CBFA2T3: variants seen among roughly 807,000 people sequenced by gnomAD.
CBFA2T3 encodes CBFA2/RUNX1 partner transcriptional co-repressor 3, also known as transcriptional corepressor CBFA2T3.
Under a neutral mutation model 58.6 loss-of-function variants are expected in CBFA2T3, and 31 were observed. The observed-to-expected ratio is 0.53, with a 90% CI of 0.40 to 0.71. CBFA2T3 has a LOEUF of 0.71. CBFA2T3 is among the 30% of genes least tolerant of loss of function. The probability of loss-of-function intolerance (pLI) is 0.00; values close to 1 mark genes in which losing one functional copy is unlikely to be tolerated. For missense variants in CBFA2T3, 1,076 were observed against 963.1 expected (o/e 1.12, Z -1.55); for synonymous variants, 531 against 421.9 (o/e 1.26, Z -3.17).
At chr16:88,966,660 A>G (rs959055712) in intron 1 of CBFA2T3, among the ~76,000 whole-genome samples, 2 of 151,910 alleles carry the variant, frequency 1.3e-5, no homozygotes, top group South Asian at 2.1e-4. Context: ...GGAGCAATGG[A>G]CACTCTTGAC....
In CBFA2T3 at chr16:88,879,186, G is replaced by A. The variant is rs1003089449; in HGVS notation, c.1662+84C>T. The stretch of plus-strand genomic sequence containing the variant: ...GACAACTGTGCTGATGCCACGTGGA[G>A]GCTCAGAATCCTCATGGGGGTGGCG... On this transcript the variant is annotated intron_variant, in intron 11 of 11. Coordinates refer to ENST00000268679, the MANE Select transcript of CBFA2T3 (RefSeq NM_005187.6). 4.8e-5 allele frequency: 59 copies of A among 1,234,314 alleles called. 1 individual carries two copies. The Admixed American group carries it at 1.1e-3, about 24-fold the overall frequency. The allele number at this position is 1,234,314 out of a possible 1,614,324, so 76.5% of individuals were successfully genotyped here.
intron 1 of CBFA2T3, among the ~76,000 whole-genome samples, chr16:88,915,064 C>G (rs1191203015): frequency 1.3e-5 from 2 of 151,596 alleles, no homozygotes; most frequent in East Asian, 4.0e-4. Context: ...CCCTGGCACC[C>G]TGGGAGTCCT....
rs1231792308 is a variant in CBFA2T3 at position 88,876,353 on chromosome 16, T to C, written c.*623A>G. On this transcript the variant is annotated 3_prime_UTR_variant, in exon 12 of 12. Coordinates refer to ENST00000268679, the MANE Select transcript of CBFA2T3 (RefSeq NM_005187.6). ...AGAAATCGAAATCTTTCCTCCCGTC[T>C]TCGCTGATCAGCCTCACGCCCCTGG... The C allele has an allele frequency of 4.4e-6, 1 of 228,834 alleles. No individual in the cohort carries two copies. The highest frequency in any genetic ancestry group is 6.2e-5 in the East Asian group (1 of 16,110). The allele number at this position is 228,834 out of a possible 1,614,324, so 14.2% of individuals were successfully genotyped here. A position where few individuals can be genotyped will look rare whatever the true frequency, so the allele number is the denominator to read the frequency against.
chr16:88,932,076 C>G (rs1971326831), intron 1 of CBFA2T3, among the ~76,000 whole-genome samples: 1 of 152,152 alleles, frequency 6.6e-6, no homozygotes, highest in Admixed American at 6.5e-5. Context: ...CACACATGCA[C>G]CTGCACGTGC....
chr16:88,886,182 G>A, intron 5 of CBFA2T3, 40 bp from the exon 6 acceptor site: 3 of 1,439,132 alleles, frequency 2.1e-6, no homozygotes, highest in Non-Finnish European at 2.8e-6. Context: ...GCATGCAGGG[G>A]TGCACAGCCC....
At position 88,901,653 on chromosome 16, in the gene CBFA2T3, G is replaced by T; in HGVS notation, c.155C>A (p.Pro52Gln). The change falls in exon 2 of 12, where the codon CCA becomes CAA. Residue 52 changes from proline (P) to glutamine (Q), a missense_variant. Transcript: ENST00000268679. ...PRGPRKGGPA[P>Q]VDRKAKASAM... ...TGAGGCCTTAGCTTTCCTGTCCACTGGGGCTGCGACCAACGGAGAAAGAAA... is the reference window on the plus strand; with the variant it reads ...TGAGGCCTTAGCTTTCCTGTCCACTTGGGCTGCGACCAACGGAGAAAGAAA... 1 of 1,528,392 alleles carries T rather than the reference G, an allele frequency of 6.5e-7. No individual in the cohort carries two copies. The allele number at this position is 1,528,392 out of a possible 1,614,324, so 94.7% of individuals were successfully genotyped here.
chr16:88,970,876 G>T (rs1008176643), intron 1 of CBFA2T3, among the ~76,000 whole-genome samples: 2 of 152,216 alleles, frequency 1.3e-5, no homozygotes, highest in East Asian at 3.9e-4. Flanking sequence ...TAAGGGGGCA[G>T]CTGGTTTTTC....
intron 1 of CBFA2T3, among the ~76,000 whole-genome samples, chr16:88,909,856 C>G (rs570079000): frequency 6.6e-6 from 1 of 152,250 alleles, no homozygotes; most frequent in South Asian, 2.1e-4. Context: ...CCTCTGAACT[C>G]CAGCCTCTAC....
At chr16:88,926,609 T>A (rs1328633362) in intron 1 of CBFA2T3, among the ~76,000 whole-genome samples, 1 of 152,146 alleles carries the variant, frequency 6.6e-6, no homozygotes, top group Non-Finnish European at 1.5e-5. Context: ...ACAGCGTGGG[T>A]GAGCGCTGCC....
At chr16:88,920,739 C>G (rs1320643093) in intron 1 of CBFA2T3, among the ~76,000 whole-genome samples, 1 of 152,238 alleles carries the variant, frequency 6.6e-6, no homozygotes, top group African/African-American at 2.4e-5. Flanking sequence ...CCACACCTGC[C>G]TGCTCCTGGA....
At chr16:88,881,133 A>T in intron 9 of CBFA2T3, 158 bp downstream of exon 9, 1 of 773,410 alleles carries the variant, frequency 1.3e-6, no homozygotes, top group Non-Finnish European at 2.2e-6. Context: ...TTCCTGGCAG[A>T]CCAGCCCGTG....
At chr16:88,925,776 C>T (rs2244879) in intron 1 of CBFA2T3, among the ~76,000 whole-genome samples, 14,893 of 152,240 alleles carry the variant, frequency 0.098, 1,711 homozygotes, top group African/African-American at 0.28. Context: ...TTCCCGGGGG[C>T]TCAGAGCTGC....
At chr16:88,917,024 A>G (rs1454398207) in intron 1 of CBFA2T3, among the ~76,000 whole-genome samples, 3 of 151,100 alleles carry the variant, frequency 2.0e-5, no homozygotes, top group African/African-American at 7.3e-5. Flanking sequence ...TAGTGGGCTG[A>G]GATCCCACCA....
intron 1 of CBFA2T3, among the ~76,000 whole-genome samples, chr16:88,941,356 C>T (rs1320787636): frequency 6.8e-6 from 1 of 146,340 alleles, no homozygotes; most frequent in Non-Finnish European, 1.5e-5. Context: ...CTCACGGGGC[C>T]CCGCGGCCCC....
chr16:88,933,987 C>T (rs1389298326), intron 1 of CBFA2T3, among the ~76,000 whole-genome samples: 5 of 152,200 alleles, frequency 3.3e-5, no homozygotes, highest in East Asian at 3.9e-4. Context: ...CAGTGCATGT[C>T]GAAAATAATG....
Position 88,958,387 on chromosome 16 carries a change from A to G in CBFA2T3, c.151+18270T>C, listed in dbSNP as rs1972283720. Among the ~76,000 whole-genome samples, 1 of 151,074 alleles carries G rather than the reference A, an allele frequency of 6.6e-6. No individual in the cohort carries two copies. The highest frequency in any genetic ancestry group is 2.4e-5 in the African/African-American group (1 of 40,914). ...CCTCGAATGGGGAACTCCTCCAGGA[A>G]GGAAAGGAGAAGTTTTATTTGGGGT... is the stretch of plus-strand genomic sequence containing the variant. On this transcript the variant is annotated intron_variant, in intron 1 of 11. Coordinates refer to ENST00000268679, the MANE Select transcript of CBFA2T3 (RefSeq NM_005187.6). This position sits in a 1 kb window ranked among gnomAD's most constrained non-coding sequence, Gnocchi z 4.0.
Position 88,958,688 on chromosome 16 carries a change from C to T in CBFA2T3, c.151+17969G>A, listed in dbSNP as rs558041418. On this transcript the variant is annotated intron_variant, in intron 1 of 11. Transcript: ENST00000268679. The surrounding 1 kb of genome is among the most constrained non-coding windows in gnomAD (Gnocchi z 4.0). ...GGAGACAAACTCGCTCCCCCAGGGC[C>T]GGGGGCTGGGGGCCTCGGTGTGGCC... Among the ~76,000 whole-genome samples the T allele has an allele frequency of 4.4e-4, 67 of 152,076 alleles. No individual in the cohort carries two copies. Among genetic ancestry groups the T allele is most frequent in the African/African-American group, 1.4e-3 (60 of 41,496 alleles).
intron 3 of CBFA2T3, among the ~76,000 whole-genome samples, chr16:88,894,109 C>G (rs1249473782): frequency 1.3e-5 from 2 of 152,168 alleles, no homozygotes; most frequent in Non-Finnish European, 2.9e-5. Context: ...AGAGCGAGCC[C>G]TCCATTTCCC....
intron 5 of CBFA2T3, among the ~76,000 whole-genome samples, chr16:88,888,757 C>T (rs1159093070): frequency 6.6e-6 from 1 of 151,734 alleles, no homozygotes. Flanking sequence ...CTAGAAGCGC[C>T]ATGTCAGAGA....
Sources: allele counts gnomAD v4.1 joint callset (sites outside exome capture counted in the v4.1 genomes callset), GRCh38; gene constraint gnomAD v4.1.1; non-coding constraint Gnocchi (gnomAD v3.1); transcripts MANE v1.5; gene names NCBI Gene and HGNC (gene_info 2026-07-23, HGNC 2026-07-21).